Variants in EPHA3 observed in about 807,000 individuals in gnomAD.
EPHA3 encodes the protein EPH receptor A3.
A neutral mutation model predicts 107.1 loss-of-function variants in EPHA3; 42 were observed. The ratio of observed to expected loss-of-function variants is 0.39; its 90% CI spans 0.31 to 0.51. The LOEUF (loss-of-function observed/expected upper bound fraction) is 0.51. EPHA3 is among the 20% of genes least tolerant of loss of function. The pLI is 0.78. For missense variants in EPHA3, 1,183 were observed against 1,211.2 expected (o/e 0.98, Z 0.35); for synonymous variants, 461 against 424.8 (o/e 1.09, Z -1.05).
chr3:89,283,399 G>A (rs900420977), intron 3 of EPHA3, among the ~76,000 whole-genome samples: 1 of 152,006 alleles, frequency 6.6e-6, no homozygotes, highest in African/African-American at 2.4e-5. Flanking sequence ...AACATAGAAA[G>A]TAACAAAATG....
At chr3:89,220,541 C>T (rs1704347993) in intron 3 of EPHA3, among the ~76,000 whole-genome samples, 1 of 152,022 alleles carries the variant, frequency 6.6e-6, no homozygotes, top group South Asian at 2.1e-4. Context: ...GTTTCGTAGT[C>T]TAAGAACTCA....
intron 5 of EPHA3, among the ~76,000 whole-genome samples, chr3:89,348,498 TTC>T (rs1160923420): frequency 7.7e-6 from 1 of 130,578 alleles, no homozygotes; most frequent in African/African-American, 3.3e-5. Flanking sequence ...TATTTGATTC[TTC>T]TCTCTTTTTT....
intron 3 of EPHA3, among the ~76,000 whole-genome samples, chr3:89,290,990 T>C (rs1400762920): frequency 2.6e-5 from 4 of 152,162 alleles, no homozygotes; most frequent in Non-Finnish European, 5.9e-5. Flanking sequence ...GCTCGGTTTC[T>C]TCCCTGCCAG....
At position 89,472,531 on chromosome 3, in the gene EPHA3, C is replaced by T; in HGVS notation, c.2758C>T (p.Leu920Phe). ...TACCTTCCGCACAACAGGTGACTGG[C>T]TTAATGGTGTCTGGACAGCACACTG... The part of the protein sequence containing the change: ...ITTFRTTGDW[L>F]NGVWTAHCKE... The change falls in exon 16 of 17, where the codon CTT (leucine) becomes TTT (phenylalanine). Residue 920 changes from leucine (L) to phenylalanine (F), a missense_variant. By Grantham distance (22) the Leu-to-Phe change is conservative. Coordinates refer to ENST00000336596, the MANE Select transcript of EPHA3 (RefSeq NM_005233.6). 6.2e-7 allele frequency: 1 copy of T among 1,614,062 alleles called. No homozygotes were observed. Among genetic ancestry groups the T allele is most frequent in the Non-Finnish European group, 8.5e-7 (1 of 1,180,002 alleles).
intron 13 of EPHA3, among the ~76,000 whole-genome samples, chr3:89,443,203 C>T (rs1709817663): frequency 6.6e-6 from 1 of 152,064 alleles, no homozygotes; most frequent in African/African-American, 2.4e-5. Flanking sequence ...GTAGCTACAA[C>T]ATTAATATTG....
At chr3:89,115,405 T>C (rs1707228087) in intron 1 of EPHA3, among the ~76,000 whole-genome samples, 1 of 152,154 alleles carries the variant, frequency 6.6e-6, no homozygotes, top group Admixed American at 6.5e-5. Context: ...CACCATTTTA[T>C]TAAAACAGGA....
At chr3:89,322,054 T>C (rs1479254075) in intron 3 of EPHA3, among the ~76,000 whole-genome samples, 1 of 151,700 alleles carries the variant, frequency 6.6e-6, no homozygotes, top group Non-Finnish European at 1.5e-5. Context: ...TTCAAATGAG[T>C]CTACTTCAGT....
At chr3:89,310,188 A>G (rs756986578) in intron 3 of EPHA3, among the ~76,000 whole-genome samples, 7 of 152,090 alleles carry the variant, frequency 4.6e-5, no homozygotes, top group Non-Finnish European at 7.4e-5. Flanking sequence ...GGTTCTTTAT[A>G]TATAAAGCAG....
chr3:89,426,612 C>T (rs1709463044), intron 11 of EPHA3, among the ~76,000 whole-genome samples: 1 of 151,758 alleles, frequency 6.6e-6, no homozygotes, highest in Admixed American at 6.6e-5. Flanking sequence ...CCTTCCCAAA[C>T]ATCCCACTAG....
rs578175616 is a variant in EPHA3, at chr3:89,140,558, T to C, written c.153+13285T>C. Among the ~76,000 whole-genome samples, 50 of 151,888 alleles carry C rather than the reference T, an allele frequency of 3.3e-4. 1 individual carries two copies. The East Asian group carries it at 9.5e-3, about 29-fold the overall frequency. On this transcript the variant is annotated intron_variant, in intron 2 of 16. Transcript: ENST00000336596. ...AGACTAAAATATAAAACAGAACAAA[T>C]GAGCTTTATAACTCCCAAAAAACCT...
intron 1 of EPHA3, among the ~76,000 whole-genome samples, chr3:89,112,156 A>G (rs902772636): frequency 2.6e-5 from 4 of 152,100 alleles, no homozygotes; most frequent in Non-Finnish European, 5.9e-5. Flanking sequence ...TTGTCTTTCC[A>G]TGAAACACTA....
At chr3:89,318,813 T>A (rs1462768415) in intron 3 of EPHA3, among the ~76,000 whole-genome samples, 4 of 151,952 alleles carry the variant, frequency 2.6e-5, no homozygotes, top group Admixed American at 1.3e-4. Context: ...TCTTATACTG[T>A]CTGTATTTGA....
At chr3:89,467,072 T>G (rs192090389) in intron 15 of EPHA3, among the ~76,000 whole-genome samples, 1 of 152,178 alleles carries the variant, frequency 6.6e-6, no homozygotes, top group African/African-American at 2.4e-5. Flanking sequence ...TAGTTACTGA[T>G]GAAAAATTAA....
intron 5 of EPHA3, among the ~76,000 whole-genome samples, chr3:89,379,682 G>A (rs1708464349): frequency 6.6e-6 from 1 of 152,042 alleles, no homozygotes; most frequent in Non-Finnish European, 1.5e-5. Context: ...CTGGTATCGT[G>A]GTAACATGGA....
chr3:89,339,361 A>G (rs1178230912), intron 3 of EPHA3, among the ~76,000 whole-genome samples: 2 of 120,868 alleles, frequency 1.7e-5, no homozygotes, highest in Admixed American at 1.0e-4. Flanking sequence ...ACAGAGTGAG[A>G]CTCCATCTCA....
chr3:89,482,117 AT>A lies in EPHA3; in HGVS notation c.*2621del, dbSNP rs2107583949. ...TTTTTATAATAAACATAATGAAAAT[AT>A]TTTTTACAGATTGGAATACAGAAGT... On this transcript the variant is annotated 3_prime_UTR_variant, in exon 17 of 17. Transcript: ENST00000336596. 5.0e-6 allele frequency: 1 copy of A among 200,364 alleles called. No individual in the cohort carries two copies. The highest frequency in any genetic ancestry group is 2.3e-5 in the African/African-American group (1 of 43,706). The allele number at this position is 200,364 out of a possible 1,614,324, so 12.4% of individuals were successfully genotyped here. A position where few individuals can be genotyped will look rare whatever the true frequency, so the allele number is the denominator to read the frequency against.
chr3:89,456,293 T>C (rs1710096271), intron 15 of EPHA3, among the ~76,000 whole-genome samples: 1 of 152,218 alleles, frequency 6.6e-6, no homozygotes, highest in Non-Finnish European at 1.5e-5. Flanking sequence ...AGCATTCAAG[T>C]TTCTGAATGG....
At chr3:89,470,325 G>T (rs536878315) in intron 15 of EPHA3, among the ~76,000 whole-genome samples, 6 of 152,188 alleles carry the variant, frequency 3.9e-5, no homozygotes, top group Admixed American at 3.9e-4. Flanking sequence ...TGCATTCCCA[G>T]CATTATATAT....
At chr3:89,116,336 G>T (rs1707252458) in intron 1 of EPHA3, among the ~76,000 whole-genome samples, 1 of 152,170 alleles carries the variant, frequency 6.6e-6, no homozygotes, top group African/African-American at 2.4e-5. Flanking sequence ...TATCTTAAAG[G>T]TCAGTAATAG....
Sources: gnomAD v4.1 joint callset for allele counts (sites outside exome capture counted in the v4.1 genomes callset) on GRCh38, gnomAD v4.1.1 for gene constraint, MANE v1.5 for transcripts, NCBI Gene and HGNC (gene_info 2026-07-23, HGNC 2026-07-21) for gene names.